Variants in PCDHA9 observed in about 807,000 individuals in gnomAD.
PCDHA9 encodes the protein protocadherin alpha 9, also known as protocadherin alpha-9.
PCDHA9 carries 62 observed loss-of-function variants against 62.0 expected under a neutral mutation model. The ratio of observed to expected loss-of-function variants is 1.00; its 90% CI spans 0.81 to 1.23. The LOEUF (loss-of-function observed/expected upper bound fraction) is 1.23. PCDHA9 is among the 50% of genes most tolerant of loss of function. The pLI, the probability that PCDHA9 is intolerant of heterozygous loss-of-function variation, is 0.00. For missense variants in PCDHA9, 1,205 were observed against 1,249.8 expected, an observed-to-expected ratio of 0.96 and a Z score of 0.54; for synonymous variants, 557 against 567.6, an observed-to-expected ratio of 0.98 and a Z score of 0.27.
At chr5:140,989,153 A>C (rs1409258920) in intron 3 of PCDHA9, among the ~76,000 whole-genome samples, 2 of 152,186 alleles carry the variant, frequency 1.3e-5, no homozygotes, top group Non-Finnish European at 2.9e-5. Flanking sequence ...CTTTTGTTTA[A>C]GAGTGTTGCA....
intron 1 of PCDHA9, among the ~76,000 whole-genome samples, chr5:140,902,203 C>CTT (rs148688132): frequency 1.7e-4 from 21 of 124,438 alleles, no homozygotes; most frequent in East Asian, 4.4e-4. Context: ...CTCTCTCTTT[C>CTT]TTTTTTTTTT....
intron 1 of PCDHA9, chr5:140,860,608 A>G (rs1266938252): frequency 6.6e-6 from 1 of 152,266 alleles, no homozygotes; most frequent in African/African-American, 2.4e-5. Flanking sequence ...GCTCACAAAG[A>G]GAAACATAAA....
intron 1 of PCDHA9, chr5:140,968,839 T>C (rs1426943047): frequency 1.3e-5 from 21 of 1,614,052 alleles, no homozygotes; most frequent in Non-Finnish European, 1.7e-5. Flanking sequence ...TCCCTGACAC[T>C]CAGAGGCATG....
chr5:140,934,373 T>G (rs1414749100), intron 1 of PCDHA9, among the ~76,000 whole-genome samples: 1 of 152,182 alleles, frequency 6.6e-6, no homozygotes, highest in African/African-American at 2.4e-5. Flanking sequence ...TGACTCCTTC[T>G]GTGGTTCTAT....
At chr5:140,862,441 T>A (rs1429423701) in intron 1 of PCDHA9, 1 of 358,060 alleles carries the variant, frequency 2.8e-6, no homozygotes, top group Non-Finnish European at 5.5e-6. Context: ...TCGTTGGTAC[T>A]CCACAGCGCC....
chr5:140,990,332 T>C (rs1458187543), intron 3 of PCDHA9, among the ~76,000 whole-genome samples: 1 of 152,100 alleles, frequency 6.6e-6, no homozygotes, highest in Non-Finnish European at 1.5e-5. Flanking sequence ...ACTTTAAAAA[T>C]AAGTAAAGCC....
intron 1 of PCDHA9, chr5:140,860,619 CAT>C: frequency 6.6e-6 from 1 of 152,266 alleles, no homozygotes; most frequent in African/African-American, 2.4e-5. Context: ...GAAACATAAA[CAT>C]ATGCAGGAAT....
chr5:140,873,412 T>C (rs2054273798), intron 1 of PCDHA9, among the ~76,000 whole-genome samples: 1 of 152,210 alleles, frequency 6.6e-6, no homozygotes, highest in Non-Finnish European at 1.5e-5. Context: ...GGTTAAAATT[T>C]TGTAAATTAT....
intron 1 of PCDHA9, among the ~76,000 whole-genome samples, chr5:140,886,052 CT>C (rs1247635205): frequency 6.6e-6 from 1 of 152,122 alleles, no homozygotes; most frequent in Non-Finnish European, 1.5e-5. Flanking sequence ...ATAGTAACAT[CT>C]TACAAAAGCG....
At chr5:140,967,849 T>C in intron 1 of PCDHA9, 1 of 1,614,116 alleles carries the variant, frequency 6.2e-7, no homozygotes, top group Non-Finnish European at 8.5e-7. Flanking sequence ...TGAATGACAA[T>C]GCCCCAGAGG....
intron 1 of PCDHA9, chr5:140,851,333 T>C: frequency 5.1e-6 from 5 of 974,938 alleles, no homozygotes; most frequent in Non-Finnish European, 6.3e-6. Flanking sequence ...TTTGTAGTTC[T>C]CTACATTTCT....
intron 1 of PCDHA9, among the ~76,000 whole-genome samples, chr5:140,908,412 T>G (rs2073956005): frequency 6.6e-6 from 1 of 152,212 alleles, no homozygotes; most frequent in South Asian, 2.1e-4. Context: ...TTCCATTTGA[T>G]GATGGAATGC....
chr5:140,942,641 G>T (rs1198552335), intron 1 of PCDHA9, among the ~76,000 whole-genome samples: 1 of 151,754 alleles, frequency 6.6e-6, no homozygotes, highest in African/African-American at 2.4e-5. Flanking sequence ...TGGCAAAAGA[G>T]ATCTCATTCA....
Position 140,850,778 on chromosome 5 carries a change from C to T in PCDHA9, c.2283C>T (p.Gly761=), listed in dbSNP as rs2150497829. The change falls in exon 1 of 4, where the codon GGC becomes GGT. Residue 761 remains glycine (G), a synonymous_variant. Coordinates refer to ENST00000532602, the MANE Select transcript of PCDHA9 (RefSeq NM_031857.2). The part of the protein sequence containing the change: ...SQQRRQRVCS[G]EGKQKTDLMA... ...AGAGGAGGCAGAGGGTGTGCTCTGGCGAGGGTAAGCAGAAGACCGACCTCA... is the reference window on the plus strand; with the variant it reads ...AGAGGAGGCAGAGGGTGTGCTCTGGTGAGGGTAAGCAGAAGACCGACCTCA... 6 of 1,597,938 alleles carry T rather than the reference C, an allele frequency of 3.8e-6. No individual in the cohort carries two copies. The East Asian group carries it at 1.1e-4, about 30-fold the overall frequency.
At chr5:140,928,077 C>T in intron 1 of PCDHA9, 1 of 1,614,230 alleles carries the variant, frequency 6.2e-7, no homozygotes, top group Non-Finnish European at 8.5e-7. Context: ...ACAACTACTA[C>T]AGCCTGCTGA....
chr5:140,932,351 A>C (rs1401387848), intron 1 of PCDHA9, among the ~76,000 whole-genome samples: 1 of 151,920 alleles, frequency 6.6e-6, no homozygotes, highest in Non-Finnish European at 1.5e-5. Flanking sequence ...TTACCATACA[A>C]CTGGCCTTAT....
chr5:140,985,643 A>C (rs564908892), intron 3 of PCDHA9, among the ~76,000 whole-genome samples: 10 of 151,298 alleles, frequency 6.6e-5, no homozygotes, highest in African/African-American at 1.9e-4. Context: ...TCATCCCAAC[A>C]CTTGCAATGG....
At chr5:140,940,667 T>A (rs1167360120) in intron 1 of PCDHA9, among the ~76,000 whole-genome samples, 5 of 152,224 alleles carry the variant, frequency 3.3e-5, no homozygotes, top group African/African-American at 1.2e-4. Context: ...TAAATCTTCA[T>A]CTGATAATTC....
chr5:140,994,072 G>T (rs1587604928), intron 3 of PCDHA9, among the ~76,000 whole-genome samples: 1 of 152,242 alleles, frequency 6.6e-6, no homozygotes, highest in East Asian at 1.9e-4. Flanking sequence ...TAATGGTGAA[G>T]GGAGAAATGT....
Sources: allele counts gnomAD v4.1 joint callset (sites outside exome capture counted in the v4.1 genomes callset), GRCh38; gene constraint gnomAD v4.1.1; transcripts MANE v1.5; gene names NCBI Gene and HGNC (gene_info 2026-07-23, HGNC 2026-07-21).